SCFD1: variants seen among roughly 807,000 people sequenced by gnomAD.
SCFD1 encodes the protein sec1 family domain-containing protein 1.
SCFD1 carries 37 observed loss-of-function variants against 103.2 expected under a neutral mutation model. That is an observed-to-expected ratio of 0.36 (90% confidence interval 0.28 to 0.47). The LOEUF (loss-of-function observed/expected upper bound fraction) is 0.47. Among genes scored for constraint, SCFD1 ranks in the 20% least tolerant of loss-of-function variants. The pLI is 1.00. For missense variants in SCFD1, 639 were observed against 761.2 expected, an observed-to-expected ratio of 0.84 and a Z score of 1.89; for synonymous variants, 264 against 245.0, an observed-to-expected ratio of 1.08 and a Z score of -0.73.
At chr14:30,637,279 T>C (rs1270459248) in intron 4 of SCFD1, among the ~76,000 whole-genome samples, 1 of 152,114 alleles carries the variant, frequency 6.6e-6, no homozygotes. Flanking sequence ...CTCTAGCGTT[T>C]CCCTTTTCTC....
At chr14:30,672,845 A>C (rs1300676407) in intron 11 of SCFD1, among the ~76,000 whole-genome samples, 4 of 152,298 alleles carry the variant, frequency 2.6e-5, no homozygotes, top group Admixed American at 2.0e-4. Flanking sequence ...CTGTCTTTGT[A>C]GTTGCATGGA....
At chr14:30,714,113 C>T (rs1594752446) in intron 19 of SCFD1, among the ~76,000 whole-genome samples, 2 of 150,524 alleles carry the variant, frequency 1.3e-5, no homozygotes, top group Non-Finnish European at 3.0e-5. Flanking sequence ...TTTGGGAGGC[C>T]GAGGCAGGTG....
At chr14:30,645,513 T>C (rs1885728064) in intron 7 of SCFD1, among the ~76,000 whole-genome samples, 1 of 152,132 alleles carries the variant, frequency 6.6e-6, no homozygotes, top group Admixed American at 6.6e-5. Flanking sequence ...TCTTTTCGTT[T>C]CGTAATTCTT....
At chr14:30,664,971 T>C (rs1887805750) in intron 10 of SCFD1, among the ~76,000 whole-genome samples, 1 of 152,184 alleles carries the variant, frequency 6.6e-6, no homozygotes, top group South Asian at 2.1e-4. Context: ...GAAAACACTC[T>C]TCAGGATATT....
At chr14:30,625,653 C>A (rs1240130894) in intron 1 of SCFD1, among the ~76,000 whole-genome samples, 1 of 147,108 alleles carries the variant, frequency 6.8e-6, no homozygotes, top group Non-Finnish European at 1.5e-5. Flanking sequence ...ATAGGTATAC[C>A]TATATAGGTA....
Position 30,639,739 on chromosome 14 carries a change from T to C in SCFD1, c.436-38T>C, listed in dbSNP as rs756045437. On this transcript the variant is annotated intron_variant, in intron 5 of 24. Transcript: ENST00000458591. ...AAATTTACTTTCAATATGGCTATAT[T>C]GTAAGATTGATTTGTAAACCTTTTC... is the stretch of plus-strand genomic sequence containing the variant. The C allele has an allele frequency of 2.6e-6, 4 of 1,527,174 alleles. No homozygotes were observed. In the South Asian group the frequency reaches 4.8e-5, roughly 19 times the overall value. 94.6% of individuals were successfully genotyped at this position (1,527,174 alleles called of 1,614,324 possible).
intron 10 of SCFD1, among the ~76,000 whole-genome samples, chr14:30,654,673 CAAAA>C (rs397967329): frequency 6.1e-5 from 5 of 82,508 alleles, no homozygotes; most frequent in Non-Finnish European, 5.8e-5. Flanking sequence ...GACCTAGTCT[CAAAA>C]AAAAAAAAAA....
chr14:30,726,863 T>C (rs894700169), intron 23 of SCFD1, among the ~76,000 whole-genome samples: 13 of 152,202 alleles, frequency 8.5e-5, no homozygotes, highest in Non-Finnish European at 1.5e-4. Flanking sequence ...GGGCTTACCA[T>C]AGGACTCATA....
chr14:30,638,121 A>G lies in SCFD1; in HGVS notation c.313-4A>G. The G allele has an allele frequency of 3.1e-6, 5 of 1,598,508 alleles. No individual in the cohort carries two copies. The South Asian group carries it at 4.5e-5, about 14-fold the overall frequency. On this transcript the variant is annotated splice_polypyrimidine_tract_variant and splice_region_variant and intron_variant, in intron 4 of 24. Transcript: ENST00000458591. The stretch of plus-strand genomic sequence containing the variant: ...TAAGAATAAAGTTTTCATTGTATTG[A>G]TAGGATCTTCGAAATCAACTATATG...
At chr14:30,672,851 A>G (rs892452877) in intron 11 of SCFD1, among the ~76,000 whole-genome samples, 2 of 152,186 alleles carry the variant, frequency 1.3e-5, no homozygotes, top group African/African-American at 4.8e-5. Context: ...TTGTAGTTGC[A>G]TGGACCCTTT....
At chr14:30,669,704 AT>A (rs894466135) in intron 10 of SCFD1, 1 of 152,194 alleles carries the variant, frequency 6.6e-6, no homozygotes, top group African/African-American at 2.4e-5. Context: ...AATTTTTAAA[AT>A]TGCAGTTCAT....
chr14:30,637,698 T>C (rs1884868878), intron 4 of SCFD1, among the ~76,000 whole-genome samples: 2 of 152,280 alleles, frequency 1.3e-5, no homozygotes. Flanking sequence ...AAGAAATACC[T>C]CTAGAATTGG....
At chr14:30,716,853 C>G (rs914249803) in intron 20 of SCFD1, among the ~76,000 whole-genome samples, 5 of 152,086 alleles carry the variant, frequency 3.3e-5, no homozygotes, top group Admixed American at 3.3e-4. Flanking sequence ...TAAAACATCT[C>G]AAAAGGGCAG....
intron 9 of SCFD1, among the ~76,000 whole-genome samples, chr14:30,651,003 T>C (rs1031574753): frequency 1.3e-5 from 2 of 152,138 alleles, no homozygotes. Flanking sequence ...TTTATTAATC[T>C]GATTTCCATT....
At chr14:30,695,846 T>C (rs914528322) in intron 15 of SCFD1, among the ~76,000 whole-genome samples, 1 of 152,034 alleles carries the variant, frequency 6.6e-6, no homozygotes, top group African/African-American at 2.4e-5. Flanking sequence ...CACTCCAGCC[T>C]GGGTGGCAGA....
chr14:30,721,682 C>G (rs977431554), intron 21 of SCFD1: 6 of 548,192 alleles, frequency 1.1e-5, no homozygotes, highest in Non-Finnish European at 3.2e-6. Flanking sequence ...TCTGAGATAT[C>G]TCCCTTTTCT....
At chr14:30,683,507 A>T in intron 14 of SCFD1, 1 of 317,874 alleles carries the variant, frequency 3.1e-6, no homozygotes, top group Middle Eastern at 1.1e-3. Flanking sequence ...TGTTTTGCCC[A>T]TGGGACCCCC....
rs556902306 is a variant in SCFD1, at chr14:30,714,999, C to A, written c.1630-925C>A. ...GCCTATAAACAAGTCAGGAGACAAC[C>A]TTTTGCCAGCACCTGTGTTGTACAT... is the stretch of plus-strand genomic sequence containing the variant. On this transcript the variant is annotated intron_variant, in intron 19 of 24. Transcript: ENST00000458591. 8.5e-5 allele frequency among the ~76,000 whole-genome samples: 13 copies of A among 152,296 alleles called. No homozygotes were observed. The East Asian group carries it at 2.5e-3, about 29-fold the overall frequency.
intron 9 of SCFD1, chr14:30,652,449 A>G (rs879491437): frequency 7.9e-5 from 12 of 152,264 alleles, no homozygotes; most frequent in Non-Finnish European, 1.8e-4. Flanking sequence ...CATTTTGTAT[A>G]TTATAGTGGT....
Sources: gnomAD v4.1 joint callset for allele counts (sites outside exome capture counted in the v4.1 genomes callset) on GRCh38, gnomAD v4.1.1 for gene constraint, MANE v1.5 for transcripts, NCBI Gene and HGNC (gene_info 2026-07-23, HGNC 2026-07-21) for gene names.